TAFA2: variants seen among roughly 807,000 people sequenced by gnomAD.
TAFA2 encodes the protein TAFA chemokine like family member 2, also known as chemokine-like protein TAFA-2.
A neutral mutation model predicts 18.8 loss-of-function variants in TAFA2; 7 were observed. The ratio of observed to expected loss-of-function variants is 0.37; its 90% CI spans 0.21 to 0.70. The LOEUF (loss-of-function observed/expected upper bound fraction) is 0.70. Ranked by LOEUF, TAFA2 falls within the 30% of genes least tolerant of loss-of-function variation. The probability of loss-of-function intolerance (pLI) is 0.53; values close to 1 mark genes in which losing one functional copy is unlikely to be tolerated. For synonymous variants in TAFA2, 60 were observed against 54.2 expected (o/e 1.11, Z -0.47); for missense variants, 122 against 158.1 (o/e 0.77, Z 1.23).
At chr12:62,096,609 G>T (rs768808514) in intron 1 of TAFA2, among the ~76,000 whole-genome samples, 5 of 152,024 alleles carry the variant, frequency 3.3e-5, no homozygotes, top group Admixed American at 1.3e-4. Flanking sequence ...TAAGATAAAT[G>T]ACCACATTTT....
chr12:62,079,951 C>T (rs187730040), intron 1 of TAFA2, among the ~76,000 whole-genome samples: 6 of 152,324 alleles, frequency 3.9e-5, no homozygotes, highest in Non-Finnish European at 4.4e-5. Flanking sequence ...GTCAGAATTT[C>T]AGGCACAAAG....
chr12:61,956,901 A>T (rs1878714952), intron 1 of TAFA2, among the ~76,000 whole-genome samples: 1 of 152,120 alleles, frequency 6.6e-6, no homozygotes, highest in Non-Finnish European at 1.5e-5. Context: ...CTTGACAGTT[A>T]TCCAAGTTTT....
At chr12:62,030,122 G>A (rs1320683521) in intron 1 of TAFA2, among the ~76,000 whole-genome samples, 1 of 152,140 alleles carries the variant, frequency 6.6e-6, no homozygotes, top group Non-Finnish European at 1.5e-5. Context: ...CACTGCTGAG[G>A]AGGAAAAGCT....
At chr12:61,884,846 T>C (rs1221188311) in intron 1 of TAFA2, among the ~76,000 whole-genome samples, 1 of 152,096 alleles carries the variant, frequency 6.6e-6, no homozygotes, top group Admixed American at 6.6e-5. Flanking sequence ...TAAAAGATAA[T>C]TAATATCTAA....
chr12:62,079,062 T>C (rs1392298716), intron 1 of TAFA2, among the ~76,000 whole-genome samples: 1 of 152,192 alleles, frequency 6.6e-6, no homozygotes, highest in Admixed American at 6.5e-5. Context: ...GACTCGAGTG[T>C]TGCCAGTGAA....
chr12:62,040,797 G>A (rs17125717), intron 1 of TAFA2, among the ~76,000 whole-genome samples: 2 of 152,248 alleles, frequency 1.3e-5, no homozygotes, highest in South Asian at 4.1e-4. Context: ...TTTAAAGGGA[G>A]AGGAGTGCTA....
intron 2 of TAFA2, among the ~76,000 whole-genome samples, chr12:61,787,900 T>C (rs912117090): frequency 4.0e-5 from 6 of 151,590 alleles, no homozygotes; most frequent in Non-Finnish European, 7.4e-5. Context: ...AGTTAAAAGA[T>C]ATAGAGCGGT....
intron 1 of TAFA2, among the ~76,000 whole-genome samples, chr12:61,915,211 A>G (rs149659332): frequency 3.5e-4 from 53 of 152,320 alleles, no homozygotes; most frequent in African/African-American, 1.0e-3. Flanking sequence ...TAGTCTAGAC[A>G]TGACTTGTAA....
At chr12:62,098,909 A>G (rs1274084911) in intron 1 of TAFA2, among the ~76,000 whole-genome samples, 1 of 152,188 alleles carries the variant, frequency 6.6e-6, no homozygotes, top group African/African-American at 2.4e-5. Context: ...TTAAAGCCTA[A>G]TTAGACACCT....
intron 2 of TAFA2, among the ~76,000 whole-genome samples, chr12:61,818,628 C>G (rs139045029): frequency 6.6e-6 from 1 of 152,052 alleles, no homozygotes; most frequent in Non-Finnish European, 1.5e-5. Flanking sequence ...AGCTCTCCCA[C>G]GTGATGCAGC....
At chr12:61,987,893 T>G (rs1406163186) in intron 1 of TAFA2, among the ~76,000 whole-genome samples, 2 of 152,208 alleles carry the variant, frequency 1.3e-5, no homozygotes, top group African/African-American at 4.8e-5. Flanking sequence ...CAGCAAATGT[T>G]TGTTGAAGCA....
At chr12:61,922,166 T>C (rs1877079895) in intron 1 of TAFA2, among the ~76,000 whole-genome samples, 1 of 151,984 alleles carries the variant, frequency 6.6e-6, no homozygotes, top group Admixed American at 6.6e-5. Context: ...TCAAAAGAAC[T>C]TTAAAAAAAT....
chr12:61,974,487 T>G lies in TAFA2; in HGVS notation c.-1-107061A>C, dbSNP rs543893539. 1.7e-4 allele frequency among the ~76,000 whole-genome samples: 26 copies of G among 151,954 alleles called. No homozygotes were observed. The South Asian group carries it at 5.4e-3, about 31-fold the overall frequency. ...ATTAAGATGATTTGATGCTATAATT[T>G]TTAAGTGTTTATTAAATGTTCACTT... is the stretch of plus-strand genomic sequence containing the variant. On this transcript the variant is annotated intron_variant, in intron 1 of 4. Coordinates refer to ENST00000416284, the MANE Select transcript of TAFA2 (RefSeq NM_178539.5).
intron 1 of TAFA2, among the ~76,000 whole-genome samples, chr12:61,990,624 C>CCACCGA (rs201263563): frequency 6.6e-6 from 1 of 151,262 alleles, no homozygotes; most frequent in Non-Finnish European, 1.5e-5. Flanking sequence ...CAGGCATGAG[C>CCACCGA]GCCCGGCCCA....
intron 1 of TAFA2, among the ~76,000 whole-genome samples, chr12:62,082,990 G>A (rs1163958362): frequency 6.6e-6 from 1 of 151,928 alleles, no homozygotes; most frequent in African/African-American, 2.4e-5. Context: ...TACAGATGAG[G>A]AAACCAAGGC....
chr12:62,212,685 G>A (rs990133907), intron 1 of TAFA2, among the ~76,000 whole-genome samples: 3 of 152,128 alleles, frequency 2.0e-5, no homozygotes, highest in African/African-American at 4.8e-5. Flanking sequence ...ATGCTCTGCC[G>A]AAAAAAGGTA....
chr12:61,757,320 A>G (rs1869318292), intron 2 of TAFA2, among the ~76,000 whole-genome samples: 1 of 152,032 alleles, frequency 6.6e-6, no homozygotes, highest in Non-Finnish European at 1.5e-5. Context: ...AAGAATCAAG[A>G]ATTACCCCTA....
At chr12:61,910,265 C>A (rs538661073) in intron 1 of TAFA2, among the ~76,000 whole-genome samples, 22 of 152,032 alleles carry the variant, frequency 1.4e-4, no homozygotes, top group African/African-American at 4.8e-4. Flanking sequence ...AGATGCTCTC[C>A]CATGTTATGC....
intron 1 of TAFA2, among the ~76,000 whole-genome samples, chr12:62,106,675 T>A (rs1869469828): frequency 6.6e-6 from 1 of 152,220 alleles, no homozygotes; most frequent in South Asian, 2.1e-4. Context: ...TTTTCTTTAG[T>A]ATACTCCCCT....
Sources: allele counts gnomAD v4.1 joint callset (sites outside exome capture counted in the v4.1 genomes callset), GRCh38; gene constraint gnomAD v4.1.1; transcripts MANE v1.5; gene names NCBI Gene and HGNC (gene_info 2026-07-23, HGNC 2026-07-21).